ATP10B: variants seen among roughly 807,000 people sequenced by gnomAD.
ATP10B encodes the protein ATPase phospholipid transporting 10B (putative).
ATP10B carries 122 observed loss-of-function variants against 141.2 expected under a neutral mutation model. The ratio of observed to expected loss-of-function variants is 0.86; its 90% CI spans 0.75 to 1.00. The LOEUF (loss-of-function observed/expected upper bound fraction) is 1.00. ATP10B is among the 50% of genes least tolerant of loss of function. The pLI, the probability that ATP10B is intolerant of heterozygous loss-of-function variation, is 0.00. For synonymous variants in ATP10B, 685 were observed against 692.0 expected (o/e 0.99, Z 0.16); for missense variants, 1,876 against 1,825.3 (o/e 1.03, Z -0.51).
chr5:160,581,170 G>A (rs1346779468), intron 24 of ATP10B, among the ~76,000 whole-genome samples: 2 of 152,052 alleles, frequency 1.3e-5, no homozygotes, highest in Admixed American at 6.6e-5. Flanking sequence ...TCTGATCTTA[G>A]TTATTTCTTG....
At chr5:160,742,729 G>A (rs894426049) in intron 2 of ATP10B, among the ~76,000 whole-genome samples, 1 of 152,156 alleles carries the variant, frequency 6.6e-6, no homozygotes, top group Non-Finnish European at 1.5e-5. Flanking sequence ...AAGAAAAGAA[G>A]GGAAGAGTTG....
chr5:160,610,058 G>A (rs1475475394), intron 18 of ATP10B, among the ~76,000 whole-genome samples: 1 of 152,066 alleles, frequency 6.6e-6, no homozygotes, highest in African/African-American at 2.4e-5. Flanking sequence ...TAATATGGTG[G>A]TTCCCAGTGA....
intron 1 of ATP10B, among the ~76,000 whole-genome samples, chr5:160,831,906 GTCTC>G (rs1234312742): frequency 6.6e-6 from 1 of 152,054 alleles, no homozygotes; most frequent in Non-Finnish European, 1.5e-5. Context: ...GCTTCCCAGA[GTCTC>G]TATCTCTAAA....
At chr5:160,891,289 G>A in the ATP10B span, among the ~76,000 whole-genome samples, 2 of 151,994 alleles carry the variant, frequency 1.3e-5, no homozygotes, top group African/African-American at 4.8e-5. Flanking sequence ...ATCATGCTCT[G>A]GGAGAACATC....
intron 19 of ATP10B, among the ~76,000 whole-genome samples, chr5:160,604,767 C>A (rs1214915934): frequency 6.6e-6 from 1 of 152,180 alleles, no homozygotes; most frequent in Non-Finnish European, 1.5e-5. Flanking sequence ...TGTTCAAGAT[C>A]TTTCCATGAT....
the ATP10B span, among the ~76,000 whole-genome samples, chr5:160,920,718 A>T: frequency 6.6e-6 from 1 of 152,366 alleles, no homozygotes; most frequent in African/African-American, 2.4e-5. Flanking sequence ...TCCCCGCTGC[A>T]GTGCTTCTCA....
At position 160,825,081 on chromosome 5, in the gene ATP10B, T is replaced by C. The variant is rs115543197; in HGVS notation, c.-576+26860A>G. On this transcript the variant is annotated intron_variant, in intron 1 of 25. Coordinates refer to ENST00000327245, the MANE Select transcript of ATP10B (RefSeq NM_025153.3). ...TGTCACTATTACATCCCTTAATGGA[T>C]TGTGTGATTATTATCCTTTTTATGT... Among the ~76,000 whole-genome samples the C allele has an allele frequency of 6.0e-3, 918 of 152,336 alleles. 13 individuals carry two copies. The highest frequency in any genetic ancestry group is 0.021 in the African/African-American group (874 of 41,578).
At chr5:160,659,584 A>G (rs1467374473) in intron 7 of ATP10B, among the ~76,000 whole-genome samples, 1 of 152,174 alleles carries the variant, frequency 6.6e-6, no homozygotes, top group African/African-American at 2.4e-5. Flanking sequence ...AGAAATGTGA[A>G]AATAATGCTA....
At chr5:160,768,947 G>A (rs1429530262) in intron 2 of ATP10B, among the ~76,000 whole-genome samples, 23 of 152,184 alleles carry the variant, frequency 1.5e-4, no homozygotes, top group Admixed American at 1.5e-3. Context: ...AGGAGCCTCA[G>A]TCTGGAGTTG....
chr5:160,629,190 G>A (rs1758775639), intron 13 of ATP10B, among the ~76,000 whole-genome samples: 1 of 152,094 alleles, frequency 6.6e-6, no homozygotes, highest in South Asian at 2.1e-4. Context: ...CAGGTGGAAG[G>A]GGACAAGTGC....
chr5:160,729,072 T>C (rs1465950605), intron 2 of ATP10B, among the ~76,000 whole-genome samples: 3 of 152,222 alleles, frequency 2.0e-5, no homozygotes. Flanking sequence ...TAAATCTCTC[T>C]TGGCCTCAGT....
chr5:160,648,222 T>TA (rs758636139), intron 8 of ATP10B, among the ~76,000 whole-genome samples: 43 of 152,370 alleles, frequency 2.8e-4, no homozygotes, highest in Admixed American at 1.4e-3. Context: ...TGAAAACTGT[T>TA]ATAGCAAGCT....
chr5:160,862,044 G>C, the ATP10B span, among the ~76,000 whole-genome samples: 1 of 151,922 alleles, frequency 6.6e-6, no homozygotes, highest in South Asian at 2.1e-4. Context: ...TGAAGTACAT[G>C]AAGAAATATC....
chr5:160,868,973 G>A, the ATP10B span, among the ~76,000 whole-genome samples: 2 of 152,110 alleles, frequency 1.3e-5, no homozygotes, highest in Non-Finnish European at 2.9e-5. Flanking sequence ...GGAAAAGTAT[G>A]CATTGGAATT....
intron 1 of ATP10B, among the ~76,000 whole-genome samples, chr5:160,835,679 G>A (rs1258108991): frequency 1.3e-5 from 2 of 152,104 alleles, no homozygotes; most frequent in African/African-American, 2.4e-5. Context: ...TCTCTGTCAA[G>A]CAGCTGTTGC....
At chr5:160,615,763 G>T (rs1757959598) in intron 17 of ATP10B, 75 bp downstream of exon 17, 2 of 1,563,874 alleles carry the variant, frequency 1.3e-6, no homozygotes, top group Non-Finnish European at 1.7e-6. Context: ...AGTAGTGTCA[G>T]AATCGGGGCC....
At chr5:160,600,746 G>T (rs769368360) in intron 21 of ATP10B, among the ~76,000 whole-genome samples, 8 of 152,162 alleles carry the variant, frequency 5.3e-5, no homozygotes, top group Non-Finnish European at 4.4e-5. Flanking sequence ...TGCTGATATT[G>T]GATGCCTGCT....
chr5:160,724,136 T>C (rs1259580634), intron 2 of ATP10B, among the ~76,000 whole-genome samples: 1 of 151,476 alleles, frequency 6.6e-6, no homozygotes, highest in Non-Finnish European at 1.5e-5. Context: ...GGGTGGAGGA[T>C]GGGAGGAGGG....
chr5:160,846,832 A>T (rs138463396), intron 1 of ATP10B, among the ~76,000 whole-genome samples: 317 of 152,300 alleles, frequency 2.1e-3, no homozygotes, highest in African/African-American at 7.3e-3. Flanking sequence ...TTCCTGCCAC[A>T]TTGTGGCTGG....
Sources: allele counts gnomAD v4.1 joint callset (sites outside exome capture counted in the v4.1 genomes callset), GRCh38; gene constraint gnomAD v4.1.1; transcripts MANE v1.5; gene names NCBI Gene and HGNC (gene_info 2026-07-23, HGNC 2026-07-21).